CDH18: variants seen among roughly 807,000 people sequenced by gnomAD.
CDH18 encodes cadherin-18.
In CDH18, 31 loss-of-function variants were observed where a neutral mutation model predicts 67.9. That is an observed-to-expected ratio of 0.46 (90% confidence interval 0.34 to 0.62). The LOEUF (loss-of-function observed/expected upper bound fraction) is 0.62, where lower values mean the gene tolerates loss of function less well. Among genes scored for constraint, CDH18 ranks in the 20% least tolerant of loss-of-function variants. CDH18 has a pLI of 0.01. For missense variants in CDH18, 890 were observed against 975.5 expected (o/e 0.91, Z 1.17); for synonymous variants, 362 against 347.2 (o/e 1.04, Z -0.48).
chr5:20,092,432 A>G (rs1442537187), intron 2 of CDH18, among the ~76,000 whole-genome samples: 2 of 152,210 alleles, frequency 1.3e-5, no homozygotes, highest in African/African-American at 4.8e-5. Context: ...AAATTGTGAA[A>G]TGACAAAACA....
chr5:20,219,213 T>C (rs1337673625), intron 2 of CDH18, among the ~76,000 whole-genome samples: 1 of 151,700 alleles, frequency 6.6e-6, no homozygotes, highest in Non-Finnish European at 1.5e-5. Flanking sequence ...TAAATACCAA[T>C]GAATTGGAAA....
intron 3 of CDH18, among the ~76,000 whole-genome samples, chr5:19,831,238 C>T (rs1369904352): frequency 6.6e-6 from 1 of 151,928 alleles, no homozygotes; most frequent in Non-Finnish European, 1.5e-5. Flanking sequence ...TACTGAAAAG[C>T]AATCACAAAA....
intron 2 of CDH18, among the ~76,000 whole-genome samples, chr5:20,074,207 G>T (rs187281870): frequency 1.3e-5 from 2 of 152,188 alleles, no homozygotes; most frequent in East Asian, 3.9e-4. Flanking sequence ...CAGATATACT[G>T]CTGGAAATAT....
At chr5:19,981,406 A>ATTTT (rs1799026646) in intron 1 of CDH18, among the ~76,000 whole-genome samples, 2 of 118,850 alleles carry the variant, frequency 1.7e-5, no homozygotes, top group African/African-American at 5.0e-5. Flanking sequence ...CACCACAGAA[A>ATTTT]GAATAATTTA....
rs1388270723 is a variant in CDH18, at chr5:20,401,716, A to G, written c.-579-146211T>C. Reference sequence around the variant, plus strand: ...TGATGAACCCACTAGCAAAATCTCCATATTACTTTCTTATTTCTTCACTGC... The same window carrying G: ...TGATGAACCCACTAGCAAAATCTCCGTATTACTTTCTTATTTCTTCACTGC... On this transcript the variant is annotated intron_variant, in intron 1 of 14. Coordinates refer to the CDH18 transcript ENST00000507958. 3.3e-5 allele frequency among the ~76,000 whole-genome samples: 5 copies of G among 152,172 alleles called. No individual in the cohort carries two copies. In the East Asian group the frequency reaches 9.6e-4, roughly 29 times the overall value.
chr5:20,130,659 G>A (rs1030838882), intron 2 of CDH18, among the ~76,000 whole-genome samples: 17 of 151,776 alleles, frequency 1.1e-4, no homozygotes, highest in Admixed American at 4.6e-4. Context: ...GTTTTGAGTC[G>A]GCAGGCCTAT....
chr5:19,883,490 C>T (rs1787883293), intron 2 of CDH18, among the ~76,000 whole-genome samples: 1 of 150,378 alleles, frequency 6.6e-6, no homozygotes, highest in Non-Finnish European at 1.5e-5. Flanking sequence ...GACTTCTAAG[C>T]ATGAGTTTTG....
intron 2 of CDH18, among the ~76,000 whole-genome samples, chr5:20,042,765 C>G (rs1030260426): frequency 6.6e-6 from 1 of 151,984 alleles, no homozygotes; most frequent in African/African-American, 2.4e-5. Flanking sequence ...AGATCGAGAC[C>G]ATCCTGGCTA....
At chr5:20,072,036 T>A (rs1035708543) in intron 2 of CDH18, among the ~76,000 whole-genome samples, 3 of 152,108 alleles carry the variant, frequency 2.0e-5, no homozygotes, top group Admixed American at 2.0e-4. Flanking sequence ...TTAACAAAAC[T>A]AACACAGGAT....
chr5:20,228,235 C>T (rs1221360071), intron 2 of CDH18, among the ~76,000 whole-genome samples: 1 of 151,898 alleles, frequency 6.6e-6, no homozygotes, highest in Non-Finnish European at 1.5e-5. Flanking sequence ...ATTCCCTTCT[C>T]CTTGAACATT....
At chr5:19,539,599 TC>T (rs1234217963) in intron 9 of CDH18, among the ~76,000 whole-genome samples, 2 of 152,156 alleles carry the variant, frequency 1.3e-5, no homozygotes, top group Non-Finnish European at 2.9e-5. Flanking sequence ...TAGTCTGTTC[TC>T]ACACTGCTAA....
At chr5:19,500,716 TA>T (rs1373786581) in intron 11 of CDH18, among the ~76,000 whole-genome samples, 1 of 152,194 alleles carries the variant, frequency 6.6e-6, no homozygotes, top group Non-Finnish European at 1.5e-5. Flanking sequence ...AGTTAAATGT[TA>T]AAAAATGTAC....
intron 1 of CDH18, among the ~76,000 whole-genome samples, chr5:20,410,414 A>T (rs1746667206): frequency 1.3e-5 from 2 of 151,872 alleles, no homozygotes; most frequent in African/African-American, 4.8e-5. Context: ...GCAAATAAGC[A>T]TTTGACAATA....
chr5:20,085,500 TGG>T (rs769785582), intron 2 of CDH18, among the ~76,000 whole-genome samples: 5 of 152,184 alleles, frequency 3.3e-5, no homozygotes, highest in Non-Finnish European at 7.3e-5. Flanking sequence ...TCCACATTTT[TGG>T]GTATCTTTTC....
rs375577984 is a variant in CDH18, at chr5:19,969,768, A to G, written c.-257+11292T>C. Among the ~76,000 whole-genome samples, 85 of 151,926 alleles carry G rather than the reference A, an allele frequency of 5.6e-4. No homozygotes were observed. The South Asian group carries it at 5.6e-3, about 10-fold the overall frequency. ...TACATGAGGAGTTAATGGGTGCAGCACACCAGCATGGCACATGTATACATA... is the reference window on the plus strand; with the variant it reads ...TACATGAGGAGTTAATGGGTGCAGCGCACCAGCATGGCACATGTATACATA... On this transcript the variant is annotated intron_variant, in intron 2 of 12. Transcript: ENST00000382275.
intron 1 of CDH18, among the ~76,000 whole-genome samples, chr5:20,283,057 A>T (rs1043247573): frequency 1.3e-5 from 2 of 152,116 alleles, no homozygotes; most frequent in Non-Finnish European, 1.5e-5. Flanking sequence ...GGAATACTAA[A>T]CATCCATATG....
chr5:20,436,657 T>C (rs1250934865), intron 1 of CDH18, among the ~76,000 whole-genome samples: 1 of 151,436 alleles, frequency 6.6e-6, no homozygotes, highest in East Asian at 1.9e-4. Flanking sequence ...CATACATATT[T>C]AGACCCATAT....
intron 1 of CDH18, among the ~76,000 whole-genome samples, chr5:19,981,502 T>C (rs1799036789): frequency 6.6e-6 from 1 of 152,206 alleles, no homozygotes; most frequent in African/African-American, 2.4e-5. Flanking sequence ...GTGAGGGCTT[T>C]CTTGCTGGGT....
At position 19,649,092 on chromosome 5, in the gene CDH18, G is replaced by T. The variant is rs543141211; in HGVS notation, c.644-36491C>A. Among the ~76,000 whole-genome samples the T allele has an allele frequency of 7.9e-5, 12 of 152,162 alleles. No homozygotes were observed. In the South Asian group the frequency reaches 2.3e-3, roughly 29 times the overall value. ...TGGTAGAGGAATCTAAAAATCAATTGCTCAGGCCTAACCATTTTAGAAATC... is the reference window on the plus strand; with the variant it reads ...TGGTAGAGGAATCTAAAAATCAATTTCTCAGGCCTAACCATTTTAGAAATC... On this transcript the variant is annotated intron_variant, in intron 5 of 12. Coordinates refer to ENST00000382275, the MANE Select transcript of CDH18 (RefSeq NM_004934.5).
Sources: gnomAD v4.1 joint callset for allele counts (sites outside exome capture counted in the v4.1 genomes callset) on GRCh38, gnomAD v4.1.1 for gene constraint, MANE v1.5 for transcripts, NCBI Gene and HGNC (gene_info 2026-07-23, HGNC 2026-07-21) for gene names.